Variants in PAK4 observed in about 807,000 individuals in gnomAD.
PAK4 encodes the protein p21 (RAC1) activated kinase 4.
PAK4 carries 49 observed loss-of-function variants against 53.5 expected under a neutral mutation model. The ratio of observed to expected loss-of-function variants is 0.92; its 90% CI spans 0.73 to 1.16. The LOEUF (loss-of-function observed/expected upper bound fraction) is 1.16. Among genes scored for constraint, PAK4 ranks in the 50% most tolerant of loss-of-function variants. The pLI is 0.00. For missense variants in PAK4, 824 were observed against 850.7 expected, an observed-to-expected ratio of 0.97 and a Z score of 0.39; for synonymous variants, 376 against 375.6, an observed-to-expected ratio of 1.00 and a Z score of -0.01.
At chr19:39,182,778 C>G (rs1305868461), downstream of PAK4, 1 of 151,420 alleles carries the variant, frequency 6.6e-6, no homozygotes, top group Non-Finnish European at 1.5e-5. Flanking sequence ...GAGATCACAT[C>G]ACTGCACTCC....
At position 39,178,436 on chromosome 19, in the gene PAK4, C is replaced by T. The variant is rs2074654404; in HGVS notation, c.1633C>T (p.Leu545=). Residue 545 remains leucine (L), a synonymous_variant, in exon 9 of 9, where the codon CTG becomes TTG. Transcript: ENST00000358301. This position sits in a 1 kb window ranked among gnomAD's most constrained non-coding sequence, Gnocchi z 4.4. ...TCCTTCTCGACAGGTGTCGCCATCC[C>T]TGAAGGGCTTCCTGGACCGCCTGCT... 2.5e-6 allele frequency: 4 copies of T among 1,590,478 alleles called. No individual in the cohort carries two copies. The highest frequency in any genetic ancestry group is 3.4e-6 in the Non-Finnish European group (4 of 1,169,344).
rs573810444 is a variant in PAK4, at chr19:39,177,414, A to G, written c.1486-261A>G. Among the ~76,000 whole-genome samples, 6 of 150,606 alleles carry G rather than the reference A, an allele frequency of 4.0e-5. No individual in the cohort carries two copies. The South Asian group carries it at 6.3e-4, about 16-fold the overall frequency. On this transcript the variant is annotated intron_variant, in intron 7 of 8. Coordinates refer to ENST00000358301, the Ensembl canonical transcript of PAK4. ...GGTCCTGAACCCACCAGTGGATGCT[A>G]CCTGGGCTGAGGGAGGGAGGACACC...
rs73930302 is a variant in PAK4 at position 39,151,160 on chromosome 19, A to G, written c.-22-18372A>G. Reference sequence around the variant, plus strand: ...TAGGTTTTTAGCAGGAGAGGATACAATCAGATTAGATTTACAAAGGTCTCC... The same window carrying G: ...TAGGTTTTTAGCAGGAGAGGATACAGTCAGATTAGATTTACAAAGGTCTCC... On this transcript the variant is annotated intron_variant, in intron 1 of 8. Coordinates refer to ENST00000358301, the Ensembl canonical transcript of PAK4. Among the ~76,000 whole-genome samples the G allele has an allele frequency of 8.2e-3, 1,242 of 152,302 alleles. 26 individuals are homozygous for G. The highest frequency in any genetic ancestry group is 0.028 in the African/African-American group (1,169 of 41,560).
intron 4 of PAK4, among the ~76,000 whole-genome samples, 182 bp from the exon 6 acceptor site, chr19:39,174,749 G>A (rs1293944662): frequency 5.9e-5 from 9 of 152,186 alleles, no homozygotes; most frequent in Admixed American, 2.0e-4. Context: ...GAAGGGAGGC[G>A]TGGGCTTCAA....
At chr19:39,165,440 G>C in intron 1 of PAK4, among the ~76,000 whole-genome samples, 1 of 150,106 alleles carries the variant, frequency 6.7e-6, no homozygotes, top group East Asian at 2.0e-4. Flanking sequence ...GCGCAAACCC[G>C]GGAGGCGGAG....
intron 2 of PAK4, among the ~76,000 whole-genome samples, chr19:39,170,714 C>G (rs1448412425): frequency 6.6e-6 from 1 of 152,204 alleles, no homozygotes; most frequent in Non-Finnish European, 1.5e-5. Context: ...GCCCCAAGGC[C>G]CACAAGTTGG....
At position 39,174,958 on chromosome 19, in the gene PAK4, G is replaced by T; in HGVS notation, c.1126G>T (p.Glu376Ter). The change falls in exon 5 of 9, where the codon GAG becomes TAG. Residue 376 changes from glutamate to a stop codon, truncating the protein, a stop_gained. Transcript: ENST00000358301. LOFTEE classifies it high-confidence loss of function. The stretch of plus-strand genomic sequence containing the variant: ...GGTAATCATGAGGGACTACCAGCAC[G>T]AGAATGTGGTGGAGATGTACAACAG... 1 of 1,613,934 alleles carries T rather than the reference G, an allele frequency of 6.2e-7. No individual in the cohort carries two copies. Among genetic ancestry groups the T allele is most frequent in the Non-Finnish European group, 8.5e-7 (1 of 1,179,950 alleles).
chr19:39,134,538 G>T (rs2073774603), intron 1 of PAK4, among the ~76,000 whole-genome samples: 1 of 149,972 alleles, frequency 6.7e-6, no homozygotes, highest in Admixed American at 6.6e-5. Context: ...TCGCCCTTAG[G>T]CCTGTGAGAT....
At position 39,144,179 on chromosome 19, in the gene PAK4, T is replaced by C. The variant is rs573676251; in HGVS notation, c.-23+18260T>C. Among the ~76,000 whole-genome samples, 1,426 of 147,872 alleles carry C rather than the reference T, an allele frequency of 9.6e-3. 29 individuals carry two copies. Among genetic ancestry groups the C allele is most frequent in the African/African-American group, 0.037 (1,393 of 37,868 alleles). ...AGATAGATTAGATTAGATAGATAGA[T>C]AGATAGATAGATAGATATGGTTAAG... On this transcript the variant is annotated intron_variant, in intron 1 of 8. Transcript: ENST00000358301.
chr19:39,143,328 C>T (rs918562470), intron 1 of PAK4, among the ~76,000 whole-genome samples: 32 of 148,876 alleles, frequency 2.1e-4, no homozygotes, highest in Admixed American at 8.7e-4. Context: ...TGGTGGCTCA[C>T]GCCTGTAATC....
chr19:39,172,054 C>T (rs1042196604), intron 2 of PAK4, among the ~76,000 whole-genome samples: 5 of 152,154 alleles, frequency 3.3e-5, no homozygotes, highest in East Asian at 1.9e-4. Context: ...GGGCAGGGGC[C>T]GGGGAGGGCA....
intron 1 of PAK4, among the ~76,000 whole-genome samples, chr19:39,149,316 G>C (rs1176640491): frequency 2.6e-5 from 4 of 152,198 alleles, no homozygotes; most frequent in African/African-American, 9.6e-5. Context: ...GCCATAAAAA[G>C]GAATGGAATT....
At chr19:39,150,386 A>G (rs561200236) in intron 1 of PAK4, among the ~76,000 whole-genome samples, 2 of 152,212 alleles carry the variant, frequency 1.3e-5, no homozygotes, top group African/African-American at 4.8e-5. Flanking sequence ...CGTCCTTGAC[A>G]CCACCTCATC....
Position 39,145,544 on chromosome 19 carries a change from C to G in PAK4, c.-23+19625C>G, listed in dbSNP as rs576917266. On this transcript the variant is annotated intron_variant, in intron 1 of 8. Coordinates refer to ENST00000358301, the Ensembl canonical transcript of PAK4. ...CACCCAGGCCCGCAGCCCCCTGCTC[C>G]ACGTGGGTTTGAGGCGGCCACCTCC... is the stretch of plus-strand genomic sequence containing the variant. 2.6e-3 allele frequency among the ~76,000 whole-genome samples: 401 copies of G among 152,290 alleles called. 5 individuals carry two copies. Among genetic ancestry groups the G allele is most frequent in the African/African-American group, 9.0e-3 (374 of 41,576 alleles).
At chr19:39,145,331 G>A (rs1348768172) in intron 1 of PAK4, among the ~76,000 whole-genome samples, 1 of 152,170 alleles carries the variant, frequency 6.6e-6, no homozygotes, top group Non-Finnish European at 1.5e-5. Context: ...GCGTGTAAAT[G>A]GTACGAGGCC....
chr19:39,125,990 G>A lies in PAK4; in HGVS notation c.-23+71G>A, dbSNP rs570133467. ...GGCGGCGGGACGGCGTTTCCGCGAG[G>A]AGGGGGGCGGGGCCGCCGGGGTCAA... is the stretch of plus-strand genomic sequence containing the variant. On this transcript the variant is annotated intron_variant, in intron 1 of 8. Coordinates refer to ENST00000358301, the Ensembl canonical transcript of PAK4. 606 of 153,400 alleles carry A rather than the reference G, an allele frequency of 4.0e-3. 4 individuals are homozygous for A. The highest frequency in any genetic ancestry group is 0.014 in the African/African-American group (576 of 41,584). 9.5% of individuals were successfully genotyped at this position (153,400 alleles called of 1,614,324 possible).
Position 39,175,464 on chromosome 19 carries a change from G to A in PAK4, c.1359+26G>A. The A allele has an allele frequency of 6.3e-7, 1 of 1,588,362 alleles. No homozygotes were observed. On this transcript the variant is annotated intron_variant, in intron 6 of 8. Transcript: ENST00000358301. The surrounding 1 kb of genome is among the most constrained non-coding windows in gnomAD (Gnocchi z 4.7). The stretch of plus-strand genomic sequence containing the variant: ...GTGAGGGGACGGGCGGCGGGGTACG[G>A]GGGCGGCAGGTTTCCGGCTGCGGGG...
At chr19:39,154,734 C>A (rs2074148289) in intron 1 of PAK4, among the ~76,000 whole-genome samples, 2 of 152,210 alleles carry the variant, frequency 1.3e-5, no homozygotes, top group Admixed American at 1.3e-4. Flanking sequence ...GAGCCCAAAC[C>A]TGCCCGTCTG....
intron 1 of PAK4, among the ~76,000 whole-genome samples, chr19:39,127,480 C>T (rs2073609865): frequency 6.6e-6 from 1 of 152,090 alleles, no homozygotes; most frequent in Non-Finnish European, 1.5e-5. Context: ...TACCTCCCTC[C>T]TTACCTTAAT....
Sources: allele counts gnomAD v4.1 joint callset (sites outside exome capture counted in the v4.1 genomes callset), GRCh38; gene constraint gnomAD v4.1.1; non-coding constraint Gnocchi (gnomAD v3.1); transcripts MANE v1.5; gene names NCBI Gene and HGNC (gene_info 2026-07-23, HGNC 2026-07-21).